GRIK2: variants seen among roughly 807,000 people sequenced by gnomAD.
GRIK2 encodes glutamate receptor ionotropic, kainate 2.
In GRIK2, 32 loss-of-function variants were observed where a neutral mutation model predicts 100.3. The ratio of observed to expected loss-of-function variants is 0.32; its 90% CI spans 0.24 to 0.43. The LOEUF is 0.43. Among genes scored for constraint, GRIK2 ranks in the 20% least tolerant of loss-of-function variants. The probability of loss-of-function intolerance (pLI) is 1.00; values close to 1 mark genes in which losing one functional copy is unlikely to be tolerated. For missense variants in GRIK2, 843 were observed against 1,114.9 expected, an observed-to-expected ratio of 0.76 and a Z score of 3.47; for synonymous variants, 417 against 389.4, an observed-to-expected ratio of 1.07 and a Z score of -0.83.
At chr6:101,790,833 G>A (rs1162848837) in intron 7 of GRIK2, among the ~76,000 whole-genome samples, 9 of 149,704 alleles carry the variant, frequency 6.0e-5, no homozygotes, top group Non-Finnish European at 1.2e-4. Context: ...AATCCATCTG[G>A]TCCTGGACTC....
At chr6:101,676,182 G>C (rs1475381839) in intron 4 of GRIK2, among the ~76,000 whole-genome samples, 1 of 152,160 alleles carries the variant, frequency 6.6e-6, no homozygotes, top group Non-Finnish European at 1.5e-5. Flanking sequence ...TGGAAAAACA[G>C]TATTTCAAGC....
intron 2 of GRIK2, among the ~76,000 whole-genome samples, chr6:101,546,443 T>C (rs1776236331): frequency 6.6e-6 from 1 of 152,146 alleles, no homozygotes. Context: ...CTCAAAAAGG[T>C]ATTTTATTTC....
At chr6:101,518,999 C>T (rs1774732945) in intron 2 of GRIK2, among the ~76,000 whole-genome samples, 1 of 152,112 alleles carries the variant, frequency 6.6e-6, no homozygotes, top group Admixed American at 6.6e-5. Context: ...CTTGGCAAGA[C>T]ATGTAAGAGT....
intron 7 of GRIK2, among the ~76,000 whole-genome samples, chr6:101,725,220 G>A (rs992289940): frequency 2.6e-5 from 4 of 151,896 alleles, no homozygotes; most frequent in Non-Finnish European, 5.9e-5. Context: ...CCTAGTTCTT[G>A]TACCTTTTAC....
intron 2 of GRIK2, among the ~76,000 whole-genome samples, chr6:101,469,093 T>G (rs772785011): frequency 3.3e-5 from 5 of 151,902 alleles, no homozygotes; most frequent in African/African-American, 9.7e-5. Context: ...GAATGAGGAG[T>G]TCACTATGTA....
chr6:101,858,266 A>T (rs1344082071), intron 10 of GRIK2, among the ~76,000 whole-genome samples: 2 of 151,046 alleles, frequency 1.3e-5, no homozygotes, highest in East Asian at 3.9e-4. Context: ...TGGCTCAAGG[A>T]TTTCTATTTA....
intron 2 of GRIK2, among the ~76,000 whole-genome samples, chr6:101,486,309 C>G (rs1772823887): frequency 7.5e-6 from 1 of 132,606 alleles, no homozygotes; most frequent in African/African-American, 2.9e-5. Flanking sequence ...GTGAGGCCAG[C>G]TTTCCATGGG....
chr6:102,053,453 C>T (rs577176553), intron 15 of GRIK2, among the ~76,000 whole-genome samples: 8 of 152,092 alleles, frequency 5.3e-5, no homozygotes, highest in South Asian at 4.2e-4. Flanking sequence ...ATTGCTCTTA[C>T]GTTATGTTAA....
intron 2 of GRIK2, among the ~76,000 whole-genome samples, chr6:101,436,768 A>G (rs1221583260): frequency 6.6e-6 from 1 of 151,334 alleles, no homozygotes; most frequent in East Asian, 1.9e-4. Flanking sequence ...GTAAAAGTCA[A>G]TAATGATTTA....
intron 11 of GRIK2, among the ~76,000 whole-genome samples, chr6:101,871,151 G>A (rs1163457862): frequency 1.3e-5 from 2 of 151,718 alleles, no homozygotes; most frequent in Non-Finnish European, 2.9e-5. Context: ...TTTAGCATCA[G>A]CATGTGAAGA....
chr6:101,684,581 C>T (rs1771537074), intron 6 of GRIK2, among the ~76,000 whole-genome samples: 2 of 152,006 alleles, frequency 1.3e-5, no homozygotes, highest in South Asian at 4.1e-4. Flanking sequence ...TTTCCTCACA[C>T]TTCATGAGGT....
intron 7 of GRIK2, among the ~76,000 whole-genome samples, chr6:101,757,184 A>G (rs1401923496): frequency 6.6e-6 from 1 of 152,192 alleles, no homozygotes; most frequent in Non-Finnish European, 1.5e-5. Flanking sequence ...GGTGAATATT[A>G]GAGCCACTTG....
chr6:101,630,932 G>A (rs1406966519), intron 4 of GRIK2, among the ~76,000 whole-genome samples: 3 of 148,788 alleles, frequency 2.0e-5, no homozygotes, highest in South Asian at 4.2e-4. Flanking sequence ...TTTCTTTTTT[G>A]TTGTGTTGTC....
chr6:101,764,970 T>C (rs926543095), intron 7 of GRIK2, among the ~76,000 whole-genome samples: 1 of 152,104 alleles, frequency 6.6e-6, no homozygotes, highest in East Asian at 1.9e-4. Context: ...TCATCCATTA[T>C]CACTGCAAAT....
At chr6:101,793,158 C>T (rs1293790942) in intron 7 of GRIK2, among the ~76,000 whole-genome samples, 1 of 152,076 alleles carries the variant, frequency 6.6e-6, no homozygotes, top group African/African-American at 2.4e-5. Context: ...TTTGAATTTC[C>T]TCCTGTAGCT....
At chr6:101,889,986 A>C in intron 12 of GRIK2, 123 bp downstream of exon 12, 1 of 652,538 alleles carries the variant, frequency 1.5e-6, no homozygotes, top group Non-Finnish European at 2.7e-6. Flanking sequence ...GTGCTGAGAA[A>C]TAATGAAATT....
At chr6:101,727,182 A>T (rs1358323310) in intron 7 of GRIK2, among the ~76,000 whole-genome samples, 1 of 152,096 alleles carries the variant, frequency 6.6e-6, no homozygotes, top group Non-Finnish European at 1.5e-5. Flanking sequence ...TTAACAAGTG[A>T]ACACATTAAT....
chr6:102,057,657 C>T (rs769351736), intron 16 of GRIK2, among the ~76,000 whole-genome samples: 7 of 151,848 alleles, frequency 4.6e-5, no homozygotes, highest in Non-Finnish European at 7.4e-5. Context: ...ACATAGCTGC[C>T]ACAAAGAAAT....
intron 7 of GRIK2, among the ~76,000 whole-genome samples, chr6:101,706,723 C>T (rs943088373): frequency 2.6e-5 from 4 of 151,830 alleles, no homozygotes; most frequent in Non-Finnish European, 5.9e-5. Context: ...AATGGGGATT[C>T]CTAGAGCCAC....
Sources: allele counts gnomAD v4.1 joint callset (sites outside exome capture counted in the v4.1 genomes callset), GRCh38; gene constraint gnomAD v4.1.1; transcripts MANE v1.5; gene names NCBI Gene and HGNC (gene_info 2026-07-23, HGNC 2026-07-21).